NLGN4X: variants seen among roughly 807,000 people sequenced by gnomAD.
NLGN4X encodes neuroligin-4, X-linked.
Under a neutral mutation model 40.3 loss-of-function variants are expected in NLGN4X, and 3 were observed. The ratio of observed to expected loss-of-function variants is 0.07; its 90% CI spans 0.03 to 0.19. NLGN4X has a LOEUF of 0.19. NLGN4X is among the 10% of genes least tolerant of loss of function. NLGN4X has a pLI of 1.00. For missense variants in NLGN4X, 382 were observed against 708.3 expected (o/e 0.54, Z 5.23); for synonymous variants, 270 against 306.8 (o/e 0.88, Z 1.25).
At chrX:6,054,236 C>T (rs1045573159) in intron 2 of NLGN4X, among the ~76,000 whole-genome samples, 6 of 111,584 alleles carry the variant, frequency 5.4e-5, no homozygotes, top group Admixed American at 1.9e-4. Flanking sequence ...ACCTAGAGAA[C>T]AAAAATGTGT....
At chrX:6,081,903 T>G (rs1002491794) in intron 2 of NLGN4X, among the ~76,000 whole-genome samples, 1 of 112,205 alleles carries the variant, frequency 8.9e-6, no homozygotes, top group African/African-American at 3.2e-5. Flanking sequence ...TTGCGATCAA[T>G]AAAGAAGTGT....
chrX:6,121,493 T>C (rs1345654337), intron 2 of NLGN4X, among the ~76,000 whole-genome samples: 1 of 112,200 alleles, frequency 8.9e-6, no homozygotes, highest in Admixed American at 9.4e-5. Flanking sequence ...TCCCAGGCTG[T>C]TGTGGGTCTG....
intron 5 of NLGN4X, among the ~76,000 whole-genome samples, chrX:5,894,351 A>G (rs747196919): frequency 8.9e-6 from 1 of 112,839 alleles, no homozygotes; most frequent in East Asian, 2.8e-4. Flanking sequence ...TATTAACAGT[A>G]GAAATAAAAA....
At chrX:6,221,391 T>TTATATATA (rs60897428) in intron 1 of NLGN4X, among the ~76,000 whole-genome samples, 1,083 of 53,186 alleles carry the variant, frequency 0.02, 10 homozygotes, top group Middle Eastern at 0.03. Flanking sequence ...CCTTCTTATA[T>TTATATATA]TATATATATA....
chrX:6,133,376 C>A (rs772470967), intron 2 of NLGN4X, among the ~76,000 whole-genome samples: 1 of 112,066 alleles, frequency 8.9e-6, no homozygotes, highest in Non-Finnish European at 1.9e-5. Context: ...TTGTTGCACA[C>A]ACACCTCCTA....
At chrX:6,057,938 T>C (rs1184529901) in intron 2 of NLGN4X, among the ~76,000 whole-genome samples, 1 of 111,789 alleles carries the variant, frequency 8.9e-6, no homozygotes, top group Admixed American at 9.5e-5. Flanking sequence ...ATATTCTCAA[T>C]GTAATAGGTC....
At chrX:5,905,436 T>C (rs991998448) in intron 4 of NLGN4X, among the ~76,000 whole-genome samples, 3 of 112,294 alleles carry the variant, frequency 2.7e-5, no homozygotes, top group Non-Finnish European at 3.8e-5. Flanking sequence ...AATATTTATA[T>C]AGCTGTCTAA....
intron 3 of NLGN4X, among the ~76,000 whole-genome samples, chrX:5,974,812 C>T (rs2035127559): frequency 8.9e-6 from 1 of 111,991 alleles, no homozygotes; most frequent in African/African-American, 3.2e-5. Flanking sequence ...CAATTAGTCA[C>T]AGGAAATTAA....
intron 3 of NLGN4X, among the ~76,000 whole-genome samples, chrX:5,941,163 T>C (rs2033919648): frequency 1.1e-5 from 1 of 87,579 alleles, no homozygotes; most frequent in Non-Finnish European, 2.2e-5. Flanking sequence ...AACGTTGTTC[T>C]GGATCGTATG....
chrX:6,038,789 G>A (rs1485356162), intron 2 of NLGN4X, among the ~76,000 whole-genome samples: 3 of 112,013 alleles, frequency 2.7e-5, no homozygotes, highest in Non-Finnish European at 5.6e-5. Flanking sequence ...GGCAGAAAAG[G>A]TTGGTAACAA....
chrX:6,055,403 G>A (rs1314751809), intron 2 of NLGN4X, among the ~76,000 whole-genome samples: 1 of 112,028 alleles, frequency 8.9e-6, no homozygotes, highest in East Asian at 2.8e-4. Flanking sequence ...GCTGAGGCAG[G>A]AGGATCACTT....
intron 1 of NLGN4X, among the ~76,000 whole-genome samples, chrX:6,174,761 G>C (rs2040685336): frequency 9.0e-6 from 1 of 111,260 alleles, no homozygotes; most frequent in African/African-American, 3.3e-5. Context: ...AATAAAGACG[G>C]GAGCAATAGG....
chrX:6,213,008 TG>T (rs1924752886), intron 1 of NLGN4X, among the ~76,000 whole-genome samples: 1 of 111,394 alleles, frequency 9.0e-6, no homozygotes, highest in African/African-American at 3.3e-5. Context: ...ATCCGGAAAG[TG>T]GAGCTTAATT....
At chrX:6,087,296 T>C (rs187871343) in intron 2 of NLGN4X, among the ~76,000 whole-genome samples, 35 of 110,958 alleles carry the variant, frequency 3.2e-4, no homozygotes, top group Non-Finnish European at 5.7e-4. Flanking sequence ...CACATTTGTA[T>C]ACAAATCTAC....
At chrX:6,018,682 T>C (rs923446656) in intron 3 of NLGN4X, among the ~76,000 whole-genome samples, 3 of 112,039 alleles carry the variant, frequency 2.7e-5, no homozygotes, top group African/African-American at 9.7e-5. Context: ...TTTACAATGA[T>C]GTGTTGATTT....
intron 3 of NLGN4X, among the ~76,000 whole-genome samples, chrX:5,952,173 A>T (rs746884599): frequency 9.0e-6 from 1 of 111,720 alleles, no homozygotes; most frequent in East Asian, 2.8e-4. Flanking sequence ...AGTGAATTTA[A>T]GAAAGGATAG....
chrX:5,970,080 G>C (rs1175508909), intron 3 of NLGN4X, among the ~76,000 whole-genome samples: 1 of 108,292 alleles, frequency 9.2e-6, no homozygotes, highest in Non-Finnish European at 1.9e-5. Flanking sequence ...GTTAATTGAC[G>C]AGTTACTGGG....
chrX:5,912,195 A>G (rs572265874), intron 3 of NLGN4X, among the ~76,000 whole-genome samples: 2 of 112,050 alleles, frequency 1.8e-5, no homozygotes, highest in African/African-American at 6.5e-5. Context: ...AGCATAGTAC[A>G]GATTGGCCTT....
chrX:6,158,285 G>A (rs2040314486), intron 1 of NLGN4X, among the ~76,000 whole-genome samples: 1 of 111,232 alleles, frequency 9.0e-6, no homozygotes, highest in African/African-American at 3.3e-5. Flanking sequence ...ACATCTTATG[G>A]TGCTCCTAAA....
Sources: gnomAD v4.1 joint callset for allele counts (sites outside exome capture counted in the v4.1 genomes callset) on GRCh38, gnomAD v4.1.1 for gene constraint, MANE v1.5 for transcripts, NCBI Gene and HGNC (gene_info 2026-07-23, HGNC 2026-07-21) for gene names.